The following MYH6 variants were observed in gnomAD, a reference collection of about 807,000 sequenced individuals.
MYH6 encodes the protein myosin heavy chain 6, also known as myosin-6.
Under a neutral mutation model 223.2 loss-of-function variants are expected in MYH6, and 126 were observed. That is an observed-to-expected ratio of 0.56 (90% CI 0.49 to 0.65). MYH6 has a LOEUF of 0.65. MYH6 is among the 30% of genes least tolerant of loss of function. MYH6 has a pLI of 0.00. For missense variants in MYH6, 2,040 were observed against 2,536.4 expected (o/e 0.80, Z 4.20); for synonymous variants, 978 against 1,010.2 (o/e 0.97, Z 0.61).
At position 23,393,766 on chromosome 14, in the gene MYH6, C is replaced by T. The variant is rs766640013; in HGVS notation, c.2828G>A (p.Arg943His). 4.7e-5 allele frequency: 76 copies of T among 1,614,096 alleles called. No homozygotes were observed. The highest frequency in any genetic ancestry group is 5.7e-5 in the Non-Finnish European group (67 of 1,180,054). Residue 943 changes from arginine (R) to histidine (H), a missense_variant, in exon 22 of 39, where the codon CGC becomes CAC. Transcript: ENST00000405093. ...EMNAELTAKKRKLEDECSELK... is the reference protein window; with the variant it reads ...EMNAELTAKKHKLEDECSELK... The stretch of plus-strand genomic sequence containing the variant: ...CTCTGAGCACTCGTCTTCCAGCTTG[C>T]GCTTCTTGGCAGTGAGCTCCGCGTT...
chr14:23,399,018 A>C lies in MYH6; in HGVS notation c.1601T>G (p.Ile534Ser). 6.2e-7 allele frequency: 1 copy of C among 1,614,072 alleles called. No homozygotes were observed. The highest frequency in any genetic ancestry group is 8.5e-7 in the Non-Finnish European group (1 of 1,180,006). The change falls in exon 15 of 39, where the codon ATC becomes AGC. Residue 534 changes from isoleucine (I) to serine (S), a missense_variant. Ile to Ser is a moderately radical substitution (Grantham distance 142). Transcript: ENST00000405093. ...GGGGAACATGCACTCCTCCTCCAGG[A>C]TGGACATGATGCCCATGGGCTGAGG... ...LIEKPMGIMS[I>S]LEEECMFPKA...
rs144422878 is a variant in MYH6 at position 23,402,717 on chromosome 14, C to T, written c.982G>A (p.Glu328Lys). Reference protein sequence around the residue: ...EVSVASIDDSEELMATDSAFD... With the variant: ...EVSVASIDDSKELMATDSAFD... ...CTCACATCGGTGGCCATGAGCTCCT[C>T]GGAGTCATCAATGGAGGCCACGGAC... Residue 328 changes from glutamate (E) to lysine (K), a missense_variant, in exon 11 of 39, where the codon GAG (glutamate) becomes AAG (lysine). Physicochemically the swap from Glu to Lys is moderately conservative, Grantham distance 56. This residue lies in a region of MYH6 where 649 missense variants were observed against 877.3 expected (regional missense o/e 0.74). Transcript: ENST00000405093. 100 of 1,613,456 alleles carry T rather than the reference C, an allele frequency of 6.2e-5. No homozygotes were observed. Among genetic ancestry groups the T allele is most frequent in the Middle Eastern group, 3.3e-4 (2 of 6,082 alleles).
At position 23,393,324 on chromosome 14, in the gene MYH6, A is replaced by T. The variant is rs759951468; in HGVS notation, c.3105+18T>A. The T allele has an allele frequency of 6.2e-7, 1 of 1,614,036 alleles. No homozygotes were observed. The highest frequency in any genetic ancestry group is 1.3e-5 in the African/African-American group (1 of 74,920). ...AAAATCTTGCTCTGAGAGCAGGAGC[A>T]TGGTTCTTACTACTCACATCATCCA... On this transcript the variant is annotated intron_variant, in intron 23 of 38. Transcript: ENST00000405093.
Position 23,384,985 on chromosome 14 carries a change from C to T in MYH6, c.5220G>A (p.Gln1740=), listed in dbSNP as rs901186872. ...CCTGCACTGCCTCCTCCACTTCCGA[C>T]TGGAGCTGGGTCAGATCCGACTCCA... ...KKMESDLTQL[Q]SEVEEAVQEC... is the part of the protein sequence containing the mutation. Residue 1740 remains glutamine, a synonymous_variant, in exon 35 of 39, where the codon CAG becomes CAA. Transcript: ENST00000405093. 1.2e-6 allele frequency: 2 copies of T among 1,614,262 alleles called. No individual in the cohort carries two copies. Among genetic ancestry groups the T allele is most frequent in the African/African-American group, 1.3e-5 (1 of 75,070 alleles).
intron 25 of MYH6, among the ~76,000 whole-genome samples, chr14:23,391,343 A>G (rs982389723): frequency 2.6e-5 from 4 of 152,210 alleles, no homozygotes; most frequent in African/African-American, 9.7e-5. Context: ...GGGATGAAGG[A>G]GGAGCCATAG....
rs367928622 is a variant in MYH6, at chr14:23,405,151, A to T, written c.503-24T>A. 1 of 1,614,048 alleles carries T rather than the reference A, an allele frequency of 6.2e-7. No homozygotes were observed. The highest frequency in any genetic ancestry group is 8.5e-7 in the Non-Finnish European group (1 of 1,180,044). ...ATCTGGAAGAAAAAAGAGGAGAAGCAATGGGGTCAGGGCTGAGGATCTGGG... is the reference window on the plus strand; with the variant it reads ...ATCTGGAAGAAAAAAGAGGAGAAGCTATGGGGTCAGGGCTGAGGATCTGGG... On this transcript the variant is annotated intron_variant, in intron 5 of 38. Coordinates refer to ENST00000405093, the MANE Select transcript of MYH6 (RefSeq NM_002471.4). The surrounding 1 kb of genome is among the most constrained non-coding windows in gnomAD (Gnocchi z 4.7).
At chr14:23,393,091 A>G in intron 23 of MYH6, 34 bp from the exon 24 acceptor site, 1 of 1,613,880 alleles carries the variant, frequency 6.2e-7, no homozygotes, top group Admixed American at 1.7e-5. Context: ...AAAGTGTGGA[A>G]AACATGAAAT....
At chr14:23,397,929 C>CTCCTCTTCT (rs1163797998) in intron 15 of MYH6, among the ~76,000 whole-genome samples, 1 of 123,058 alleles carries the variant, frequency 8.1e-6, no homozygotes. Context: ...CCTCCTCCTC[C>CTCCTCTTCT]TCCTCTTCTT....
chr14:23,384,326 G>C, intron 36 of MYH6, 116 bp downstream of exon 36: 1 of 1,522,546 alleles, frequency 6.6e-7, no homozygotes, highest in Non-Finnish European at 9.0e-7. Flanking sequence ...TGAGAAGAAC[G>C]TTAAATCTAC....
chr14:23,388,645 C>T lies in MYH6; in HGVS notation c.4175+214G>A, dbSNP rs745495253. 8 of 898,954 alleles carry T rather than the reference C, an allele frequency of 8.9e-6. 1 individual carries two copies. Among genetic ancestry groups the T allele is most frequent in the Admixed American group, 1.7e-5 (1 of 59,128 alleles). 55.7% of individuals were successfully genotyped at this position (898,954 alleles called of 1,614,324 possible). A position where few individuals can be genotyped will look rare whatever the true frequency, so the allele number is the denominator to read the frequency against. ...TTATACGTGAGCATCAGGTATAACCCGGGCCAAAAGCTCGCCCGTCACAGG... is the reference window on the plus strand; with the variant it reads ...TTATACGTGAGCATCAGGTATAACCTGGGCCAAAAGCTCGCCCGTCACAGG... On this transcript the variant is annotated intron_variant, in intron 29 of 38. Coordinates refer to ENST00000405093, the MANE Select transcript of MYH6 (RefSeq NM_002471.4).
Position 23,405,847 on chromosome 14 carries a change from C to T in MYH6, c.202-77G>A. 6.3e-7 allele frequency: 1 copy of T among 1,589,012 alleles called. No individual in the cohort carries two copies. Among genetic ancestry groups the T allele is most frequent in the Non-Finnish European group, 8.6e-7 (1 of 1,157,880 alleles). ...CCTTGCCAGCACTGCCCACTGACCTCCTCCCAGGACACAGGGACTTGGCCT... is the reference window on the plus strand; with the variant it reads ...CCTTGCCAGCACTGCCCACTGACCTTCTCCCAGGACACAGGGACTTGGCCT... On this transcript the variant is annotated intron_variant, in intron 3 of 38. Transcript: ENST00000405093. This position sits in a 1 kb window ranked among gnomAD's most constrained non-coding sequence, Gnocchi z 4.7.
chr14:23,396,927 CCT>C (rs757889876), intron 18 of MYH6, 34 bp downstream of exon 18: 2 of 1,612,456 alleles, frequency 1.2e-6, no homozygotes, highest in South Asian at 1.1e-5. Flanking sequence ...CCTGGCTCCC[CCT>C]GTTCTATGAG....
Position 23,390,116 on chromosome 14 carries a change from C to A in MYH6, c.3673G>T (p.Glu1225Ter), listed in dbSNP as rs751985684. 2 of 1,612,098 alleles carry A rather than the reference C, an allele frequency of 1.2e-6. No individual in the cohort carries two copies. Among genetic ancestry groups the A allele is most frequent in the African/African-American group, 1.3e-5 (1 of 74,710 alleles). ...ACGTCATCCAGCTCCAGCTTGAACT[C>A]GCTCTTCTCCTTCTCCAGCTTCTGC... is the stretch of plus-strand genomic sequence containing the variant. ...VKQKLEKEKSEFKLELDDVTS... is the reference protein window; with the variant it reads ...VKQKLEKEKS The change falls in exon 26 of 39, where the codon GAG becomes TAG. Residue 1225 changes from glutamate to a stop codon, truncating the protein, a stop_gained. Transcript: ENST00000405093. LOFTEE classifies it high-confidence loss of function.
intron 14 of MYH6, 26 bp downstream of exon 14, chr14:23,400,230 C>T: frequency 5.0e-6 from 8 of 1,614,136 alleles, no homozygotes; most frequent in Non-Finnish European, 6.8e-6. Flanking sequence ...GAGGAGGGGG[C>T]ATAGGTGGTG....
intron 36 of MYH6, 35 bp downstream of exon 36, chr14:23,384,407 C>T (rs1890951975): frequency 2.5e-6 from 4 of 1,605,506 alleles, no homozygotes; most frequent in Non-Finnish European, 3.4e-6. Flanking sequence ...GAAGAAACTT[C>T]CACATCTACT....
intron 23 of MYH6, 64 bp from the exon 24 acceptor site, chr14:23,393,121 G>A: frequency 6.2e-7 from 1 of 1,603,706 alleles, no homozygotes; most frequent in Admixed American, 1.7e-5. Flanking sequence ...ATGCTCTTTT[G>A]CCTCCTTCTA....
At chr14:23,388,612 T>C (rs1566507092) in intron 29 of MYH6, 2 of 859,790 alleles carry the variant, frequency 2.3e-6, no homozygotes, top group Non-Finnish European at 2.0e-6. Flanking sequence ...ACAAGCTTTT[T>C]GCTCGTCTTA....
chr14:23,392,279 TC>T (rs1214782301), intron 25 of MYH6, among the ~76,000 whole-genome samples: 3 of 152,080 alleles, frequency 2.0e-5, no homozygotes, highest in African/African-American at 7.2e-5. Flanking sequence ...TAGAGCTCTA[TC>T]ATTTGTCTTA....
At chr14:23,387,459 C>T in intron 32 of MYH6, 70 bp downstream of exon 32, 1 of 1,604,984 alleles carries the variant, frequency 6.2e-7, no homozygotes, top group South Asian at 1.1e-5. Context: ...TCAGGGTCAC[C>T]CCCAGGTGAG....
Sources: gnomAD v4.1 joint callset for allele counts (sites outside exome capture counted in the v4.1 genomes callset) on GRCh38, gnomAD v4.1.1 for gene constraint, gnomAD v4.1.1 regional missense constraint, Gnocchi (gnomAD v3.1) non-coding constraint, MANE v1.5 for transcripts, NCBI Gene and HGNC (gene_info 2026-07-23, HGNC 2026-07-21) for gene names.